The following GRM8 variants were observed in gnomAD, a reference collection of about 807,000 sequenced individuals.
GRM8 encodes glutamate metabotropic receptor 8.
In GRM8, 47 loss-of-function variants were observed where a neutral mutation model predicts 87.2. That is an observed-to-expected ratio of 0.54 (90% CI 0.43 to 0.69). The LOEUF is 0.69. Among genes scored for constraint, GRM8 ranks in the 30% least tolerant of loss-of-function variants. GRM8 has a pLI of 0.00. For missense variants in GRM8, 1,019 were observed against 1,139.2 expected (o/e 0.89, Z 1.52); for synonymous variants, 396 against 404.5 (o/e 0.98, Z 0.25).
intron 2 of GRM8, among the ~76,000 whole-genome samples, chr7:127,143,760 A>G (rs1232301993): frequency 6.6e-6 from 1 of 152,078 alleles, no homozygotes; most frequent in Non-Finnish European, 1.5e-5. Context: ...TTCTCAGAAA[A>G]CTTATTTTAC....
intron 8 of GRM8, among the ~76,000 whole-genome samples, chr7:126,594,762 G>T (rs1040690489): frequency 6.6e-6 from 1 of 152,102 alleles, no homozygotes; most frequent in African/African-American, 2.4e-5. Context: ...GTGAGGTAAT[G>T]CTTATGTTAG....
Position 127,025,797 on chromosome 7 carries a change from C to T in GRM8, c.727+80699G>A, listed in dbSNP as rs1586786119. On this transcript the variant is annotated intron_variant, in intron 3 of 10. Coordinates refer to ENST00000339582, the MANE Select transcript of GRM8 (RefSeq NM_000845.3). ...AAAATAGAGGAGCTAGGCTTGCTCC[C>T]AGTAGAAGCAACTAGAGCTACTTTA... Among the ~76,000 whole-genome samples the T allele has an allele frequency of 5.3e-5, 8 of 152,078 alleles. 2 individuals are homozygous for T. Among genetic ancestry groups the T allele is most frequent in the Admixed American group, 5.2e-4 (8 of 15,272 alleles).
chr7:126,445,973 G>A, intron 10 of GRM8, 153 bp downstream of exon 10: 2 of 859,534 alleles, frequency 2.3e-6, no homozygotes, highest in Non-Finnish European at 3.7e-6. Flanking sequence ...TGCTTCGAAT[G>A]GTTTTAAATG....
At chr7:126,977,205 G>T (rs1326892254) in intron 3 of GRM8, among the ~76,000 whole-genome samples, 1 of 152,228 alleles carries the variant, frequency 6.6e-6, no homozygotes. Context: ...TCAGAAATAA[G>T]AATTAGCCAT....
At chr7:126,783,067 G>A (rs1350452182) in intron 6 of GRM8, among the ~76,000 whole-genome samples, 1 of 152,130 alleles carries the variant, frequency 6.6e-6, no homozygotes, top group Non-Finnish European at 1.5e-5. Flanking sequence ...CTCGCTCCAA[G>A]TCCTCACCAG....
chr7:126,543,893 C>T (rs1816827649), intron 8 of GRM8, among the ~76,000 whole-genome samples: 2 of 152,008 alleles, frequency 1.3e-5, no homozygotes, highest in Admixed American at 6.6e-5. Context: ...TGCAAGAGGC[C>T]AATCAAATAG....
At chr7:126,962,905 TC>T (rs1342033901) in intron 3 of GRM8, among the ~76,000 whole-genome samples, 3 of 152,216 alleles carry the variant, frequency 2.0e-5, no homozygotes, top group Admixed American at 2.0e-4. Flanking sequence ...TTCTCTAAAG[TC>T]TTCAATTCTG....
At chr7:126,763,220 C>G (rs556299040) in intron 7 of GRM8, among the ~76,000 whole-genome samples, 2 of 151,272 alleles carry the variant, frequency 1.3e-5, no homozygotes, top group Admixed American at 1.3e-4. Context: ...AAAATAATTT[C>G]TTTTACTGAT....
At chr7:126,811,213 G>T (rs1287240659) in intron 6 of GRM8, among the ~76,000 whole-genome samples, 1 of 151,952 alleles carries the variant, frequency 6.6e-6, no homozygotes, top group Non-Finnish European at 1.5e-5. Flanking sequence ...ACTCTATTCT[G>T]TTCATTGATC....
intron 3 of GRM8, among the ~76,000 whole-genome samples, chr7:127,082,637 T>C (rs1440001820): frequency 6.6e-6 from 1 of 152,224 alleles, no homozygotes; most frequent in Non-Finnish European, 1.5e-5. Flanking sequence ...AAATCTCTCC[T>C]GGGAAAGTAA....
intron 3 of GRM8, 43 bp downstream of exon 3, chr7:127,106,453 T>G (rs1423007092): frequency 6.7e-7 from 1 of 1,481,972 alleles, no homozygotes; most frequent in Admixed American, 1.7e-5. Flanking sequence ...GCATCAGCAA[T>G]CTGTCACCTC....
intron 1 of GRM8, among the ~76,000 whole-genome samples, chr7:127,249,348 G>A (rs1164077995): frequency 6.6e-6 from 1 of 152,186 alleles, no homozygotes; most frequent in Non-Finnish European, 1.5e-5. Context: ...ATCAAAGCCT[G>A]AAGATGCATT....
At chr7:126,895,831 A>G (rs1801491893) in intron 6 of GRM8, among the ~76,000 whole-genome samples, 1 of 151,982 alleles carries the variant, frequency 6.6e-6, no homozygotes, top group Non-Finnish European at 1.5e-5. Context: ...ATATTAAAAT[A>G]TTTACTACTT....
chr7:127,200,720 C>T lies in GRM8; in HGVS notation c.510+41975G>A, dbSNP rs1795540999. On this transcript the variant is annotated intron_variant, in intron 2 of 10. Transcript: ENST00000339582. The stretch of plus-strand genomic sequence containing the variant: ...CTTCCATCTTCACATGGCTTTCGCC[C>T]CTGTGTGTGTGTTTTCTCTTCTTAT... Among the ~76,000 whole-genome samples the T allele has an allele frequency of 2.0e-5, 3 of 152,310 alleles. No homozygotes were observed. The South Asian group carries it at 6.2e-4, about 32-fold the overall frequency.
chr7:126,703,933 C>G (rs1810214395), intron 7 of GRM8, among the ~76,000 whole-genome samples: 1 of 152,164 alleles, frequency 6.6e-6, no homozygotes, highest in African/African-American at 2.4e-5. Context: ...ACCCTACAAC[C>G]ACAGACCCTG....
chr7:126,826,413 T>C (rs1408322397), intron 6 of GRM8, among the ~76,000 whole-genome samples: 7 of 152,222 alleles, frequency 4.6e-5, no homozygotes, highest in Non-Finnish European at 1.0e-4. Flanking sequence ...ATTGCCATTC[T>C]AACTGGTGTG....
chr7:127,035,728 AT>A (rs1455846703), intron 3 of GRM8, among the ~76,000 whole-genome samples: 2 of 152,144 alleles, frequency 1.3e-5, no homozygotes, highest in African/African-American at 4.8e-5. Flanking sequence ...ATGTTTCTTA[AT>A]CCCCACAGAT....
At chr7:127,148,728 A>C (rs1828684740) in intron 2 of GRM8, among the ~76,000 whole-genome samples, 1 of 152,078 alleles carries the variant, frequency 6.6e-6, no homozygotes, top group African/African-American at 2.4e-5. Flanking sequence ...CTAAACAACC[A>C]ATGGGTCAAA....
At chr7:127,076,998 C>A (rs868018941) in intron 3 of GRM8, among the ~76,000 whole-genome samples, 5 of 152,168 alleles carry the variant, frequency 3.3e-5, no homozygotes, top group Admixed American at 1.3e-4. Flanking sequence ...GTGAGCCAGT[C>A]CAATCCTTCG....
Sources: gnomAD v4.1 joint callset for allele counts (sites outside exome capture counted in the v4.1 genomes callset) on GRCh38, gnomAD v4.1.1 for gene constraint, MANE v1.5 for transcripts, NCBI Gene and HGNC (gene_info 2026-07-23, HGNC 2026-07-21) for gene names.